CNNM1: variants seen among roughly 807,000 people sequenced by gnomAD.
CNNM1 encodes cyclin and CBS domain divalent metal cation transport mediator 1.
In CNNM1, 44 loss-of-function variants were observed where a neutral mutation model predicts 78.8. The observed-to-expected ratio is 0.56, with a 90% CI of 0.44 to 0.72. The LOEUF (loss-of-function observed/expected upper bound fraction) is 0.72. Ranked by LOEUF, CNNM1 falls within the 30% of genes least tolerant of loss-of-function variation. The pLI is 0.00. For synonymous variants in CNNM1, 584 were observed against 581.5 expected, an observed-to-expected ratio of 1.00 and a Z score of -0.06; for missense variants, 1,101 against 1,292.2, an observed-to-expected ratio of 0.85 and a Z score of 2.27.
intron 7 of CNNM1, among the ~76,000 whole-genome samples, chr10:99,387,596 A>C (rs1182892619): frequency 2.6e-5 from 4 of 152,356 alleles, no homozygotes; most frequent in African/African-American, 9.6e-5. Context: ...TCCAGGTGCC[A>C]ATAAAAATGA....
intron 1 of CNNM1, among the ~76,000 whole-genome samples, chr10:99,332,375 T>C (rs1196747349): frequency 6.6e-6 from 1 of 152,216 alleles, no homozygotes; most frequent in Admixed American, 6.5e-5. Flanking sequence ...TCCTAATGGC[T>C]AGCAGTACTC....
chr10:99,391,483 G>A lies in CNNM1; in HGVS notation c.2823G>A (p.Glu941=). The change falls in exon 11 of 11, where the codon GAG becomes GAA. Residue 941 remains glutamate, a synonymous_variant. Transcript: ENST00000356713. ...CACCAGAAGGAGAGAGAACCTCTGA[G>A]GACAACTCCAATTTAACACCTCTGA... ...KRSPEGERTS[E]DNSNLTPLIT 6.2e-7 allele frequency: 1 copy of A among 1,613,936 alleles called. No homozygotes were observed.
intron 1 of CNNM1, among the ~76,000 whole-genome samples, chr10:99,343,817 C>A (rs1448100820): frequency 2.0e-5 from 3 of 151,876 alleles, no homozygotes; most frequent in Non-Finnish European, 4.4e-5. Flanking sequence ...TGGGTTCAAG[C>A]GATTCTCCTG....
intron 7 of CNNM1, among the ~76,000 whole-genome samples, chr10:99,377,818 C>T (rs2032021803): frequency 6.6e-6 from 1 of 152,094 alleles, no homozygotes; most frequent in South Asian, 2.1e-4. Flanking sequence ...GAACCATGTG[C>T]AATTGCCCAG....
chr10:99,388,225 G>C lies in CNNM1; in HGVS notation c.2598G>C (p.Gln866His). 1 of 1,613,974 alleles carries C rather than the reference G, an allele frequency of 6.2e-7. No individual in the cohort carries two copies. Among genetic ancestry groups the C allele is most frequent in the Non-Finnish European group, 8.5e-7 (1 of 1,179,894 alleles). The change falls in exon 9 of 11, where the codon CAG (glutamine) becomes CAC (histidine). Residue 866 changes from glutamine (Q) to histidine (H), a missense_variant. By Grantham distance (24) the Gln-to-His change is conservative. Coordinates refer to ENST00000356713, the MANE Select transcript of CNNM1 (RefSeq NM_020348.3). ...YLRMEELAFT[Q>H]EEMTDFEEHS... ...GGATGGAGGAGCTGGCCTTCACCCAGGAAGAAATGACTGACTTCGAGGAGC... is the reference window on the plus strand; with the variant it reads ...GGATGGAGGAGCTGGCCTTCACCCACGAAGAAATGACTGACTTCGAGGAGC...
At chr10:99,359,234 C>T (rs2031341078) in intron 2 of CNNM1, among the ~76,000 whole-genome samples, 2 of 150,966 alleles carry the variant, frequency 1.3e-5, no homozygotes, top group South Asian at 4.2e-4. Context: ...AAGTGGCAAT[C>T]TGATGGGGGA....
At chr10:99,375,667 A>C (rs746344015) in intron 6 of CNNM1, among the ~76,000 whole-genome samples, 13 of 152,264 alleles carry the variant, frequency 8.5e-5, no homozygotes, top group Non-Finnish European at 1.5e-4. Flanking sequence ...CTCATTCTAA[A>C]TAGAGGCTAA....
chr10:99,386,203 C>T (rs1454772681), intron 7 of CNNM1, among the ~76,000 whole-genome samples: 2 of 152,108 alleles, frequency 1.3e-5, no homozygotes, highest in African/African-American at 2.4e-5. Flanking sequence ...CTGTAAAATC[C>T]TTTAGAAGAA....
intron 7 of CNNM1, among the ~76,000 whole-genome samples, chr10:99,385,209 C>T (rs2032273017): frequency 6.6e-6 from 1 of 152,138 alleles, no homozygotes. Context: ...AGCCAGTCTA[C>T]CAACTTATAG....
chr10:99,368,620 C>T, intron 6 of CNNM1: 1 of 1,289,706 alleles, frequency 7.8e-7, no homozygotes. Context: ...CTCTTTAGTG[C>T]CTGTCTCTGT....
intron 1 of CNNM1, among the ~76,000 whole-genome samples, chr10:99,332,117 T>C (rs2029943137): frequency 6.6e-6 from 1 of 152,194 alleles, no homozygotes; most frequent in African/African-American, 2.4e-5. Flanking sequence ...AACCCTTGAT[T>C]GTTTTTTAAA....
intron 1 of CNNM1, among the ~76,000 whole-genome samples, chr10:99,354,692 G>A (rs1296119193): frequency 6.6e-6 from 1 of 152,164 alleles, no homozygotes; most frequent in African/African-American, 2.4e-5. Flanking sequence ...ACCTGGGCTA[G>A]AGCTCAAAGT....
chr10:99,332,079 C>A (rs776724929), intron 1 of CNNM1, among the ~76,000 whole-genome samples: 1 of 152,110 alleles, frequency 6.6e-6, no homozygotes, highest in African/African-American at 2.4e-5. Flanking sequence ...AGTTTGACCG[C>A]CCCCCTAGTT....
chr10:99,336,004 G>T (rs2030164728), intron 1 of CNNM1, among the ~76,000 whole-genome samples: 1 of 152,204 alleles, frequency 6.6e-6, no homozygotes, highest in Non-Finnish European at 1.5e-5. Context: ...CTCTCTGGGT[G>T]TCGTTAGGGC....
chr10:99,375,641 C>T (rs2031939906), intron 6 of CNNM1, among the ~76,000 whole-genome samples: 1 of 152,226 alleles, frequency 6.6e-6, no homozygotes, highest in South Asian at 2.1e-4. Context: ...CTAAATAGAT[C>T]ATCAACCTTC....
At chr10:99,370,371 G>C (rs183977157) in intron 6 of CNNM1, among the ~76,000 whole-genome samples, 11 of 152,302 alleles carry the variant, frequency 7.2e-5, no homozygotes, top group Non-Finnish European at 1.5e-4. Context: ...GCAATGGTGG[G>C]TACAGTGGGA....
chr10:99,360,943 T>C lies in CNNM1; in HGVS notation c.1826T>C (p.Leu609Pro). 6.2e-7 allele frequency: 1 copy of C among 1,611,902 alleles called. No individual in the cohort carries two copies. Among genetic ancestry groups the C allele is most frequent in the Non-Finnish European group, 8.5e-7 (1 of 1,178,344 alleles). ...TEMRVKISPQ[L>P]LLATHRFMAT... ...ATGCGGGTGAAGATCTCACCACAGCTTCTGCTAGCCACACACCGCTTCATG... is the reference window on the plus strand; with the variant it reads ...ATGCGGGTGAAGATCTCACCACAGCCTCTGCTAGCCACACACCGCTTCATG... The change falls in exon 3 of 11, where the codon CTT becomes CCT. Residue 609 changes from leucine (L) to proline (P), a missense_variant. Physicochemically the swap from Leu to Pro is moderately conservative, Grantham distance 98. This residue lies in a region of CNNM1 where 277 missense variants were observed against 423.2 expected (regional missense o/e 0.65). Coordinates refer to ENST00000356713, the MANE Select transcript of CNNM1 (RefSeq NM_020348.3).
chr10:99,369,644 C>T (rs536511910), intron 6 of CNNM1, among the ~76,000 whole-genome samples: 21 of 152,134 alleles, frequency 1.4e-4, no homozygotes, highest in African/African-American at 4.6e-4. Context: ...CCATCTGGTC[C>T]TCATGTTGAT....
At chr10:99,356,118 C>G (rs2031133566) in intron 1 of CNNM1, among the ~76,000 whole-genome samples, 1 of 152,188 alleles carries the variant, frequency 6.6e-6, no homozygotes, top group African/African-American at 2.4e-5. Flanking sequence ...AATGGCTTAT[C>G]TCTGCTTCAC....
Sources: gnomAD v4.1 joint callset for allele counts (sites outside exome capture counted in the v4.1 genomes callset) on GRCh38, gnomAD v4.1.1 for gene constraint, gnomAD v4.1.1 regional missense constraint, MANE v1.5 for transcripts, NCBI Gene and HGNC (gene_info 2026-07-23, HGNC 2026-07-21) for gene names.